LMF1: variants seen among roughly 807,000 people sequenced by gnomAD.
LMF1 encodes the protein lipase maturation factor 1.
A neutral mutation model predicts 60.6 loss-of-function variants in LMF1; 68 were observed. That is an observed-to-expected ratio of 1.12 (90% CI 0.92 to 1.37). The LOEUF is 1.37. Ranked by LOEUF, LMF1 falls within the 40% of genes most tolerant of loss-of-function variation. LMF1 has a pLI of 0.00. For synonymous variants in LMF1, 418 were observed against 324.7 expected (o/e 1.29, Z -3.09); for missense variants, 948 against 767.2 (o/e 1.24, Z -2.78).
intron 6 of LMF1, chr16:873,085 C>G (rs1004182526): frequency 2.6e-5 from 4 of 152,388 alleles, no homozygotes; most frequent in African/African-American, 9.6e-5. Flanking sequence ...GGCTCGGGGC[C>G]CTGCTCCATG....
intron 5 of LMF1, among the ~76,000 whole-genome samples, chr16:880,457 A>G (rs2070129364): frequency 6.6e-6 from 1 of 152,218 alleles, no homozygotes. Flanking sequence ...AGATCACTTG[A>G]GCCCAGGAGT....
At chr16:930,501 T>A (rs188711893) in intron 3 of LMF1, among the ~76,000 whole-genome samples, 2 of 151,814 alleles carry the variant, frequency 1.3e-5, no homozygotes, top group East Asian at 3.9e-4. Flanking sequence ...GTCAAGGAGC[T>A]GAGATTGCAC....
chr16:911,730 C>CTGGGGAGG, intron 3 of LMF1, among the ~76,000 whole-genome samples: 1 of 140,354 alleles, frequency 7.1e-6, no homozygotes, highest in Non-Finnish European at 1.5e-5. Context: ...GGGAGGCAGC[C>CTGGGGAGG]CAGCCTCCAT....
chr16:875,899 C>A (rs1264636701), intron 6 of LMF1, among the ~76,000 whole-genome samples: 2 of 152,178 alleles, frequency 1.3e-5, no homozygotes, highest in African/African-American at 2.4e-5. Context: ...CAGCTGGGAC[C>A]CCAGGACCGC....
intron 4 of LMF1, chr16:902,107 A>C (rs926238): frequency 0.36 from 54,201 of 152,218 alleles, 11,774 homozygotes; most frequent in African/African-American, 0.6. Context: ...CATGGCACGG[A>C]CATGGGTTGG....
At chr16:960,037 C>G (rs906681227) in intron 1 of LMF1, among the ~76,000 whole-genome samples, 3 of 152,218 alleles carry the variant, frequency 2.0e-5, no homozygotes, top group African/African-American at 7.2e-5. Flanking sequence ...GAGCCTAGCT[C>G]TACCCAGGAA....
rs1005194293 is a variant in LMF1 at position 962,676 on chromosome 16, G to A, written c.194-8010C>T. On this transcript the variant is annotated intron_variant, in intron 1 of 10. Transcript: ENST00000262301. The surrounding 1 kb of genome is among the most constrained non-coding windows in gnomAD (Gnocchi z 4.5). Reference sequence around the variant, plus strand: ...GACAGGCCTGCTTGACACTGTCAAGGTCGGAATCCTGCACAGGAAAGTCTG... The same window carrying A: ...GACAGGCCTGCTTGACACTGTCAAGATCGGAATCCTGCACAGGAAAGTCTG... Among the ~76,000 whole-genome samples the A allele has an allele frequency of 2.6e-5, 4 of 152,184 alleles. No homozygotes were observed. The highest frequency in any genetic ancestry group is 9.7e-5 in the African/African-American group (4 of 41,450).
intron 10 of LMF1, chr16:854,991 G>T (rs1437903489): frequency 7.6e-6 from 4 of 524,854 alleles, no homozygotes; most frequent in Admixed American, 3.2e-5. Context: ...AGAGGGACCG[G>T]CCCGGGGAAG....
chr16:855,767 T>C, intron 10 of LMF1: 1 of 455,992 alleles, frequency 2.2e-6, no homozygotes, highest in Non-Finnish European at 4.4e-6. Flanking sequence ...TGCCAGAGGC[T>C]TCACACTGCA....
intron 3 of LMF1, among the ~76,000 whole-genome samples, chr16:916,401 C>T (rs2071279162): frequency 1.3e-5 from 2 of 152,200 alleles, no homozygotes; most frequent in African/African-American, 2.4e-5. Context: ...CTTCTAATGG[C>T]GGCCCCAGAG....
chr16:885,918 C>T (rs56272161), intron 5 of LMF1, among the ~76,000 whole-genome samples: 21,321 of 152,142 alleles, frequency 0.14, 1,708 homozygotes, highest in East Asian at 0.29. Context: ...TTGGCTCAAA[C>T]GGAACTTTCA....
chr16:964,878 C>T (rs1352793784), intron 1 of LMF1, among the ~76,000 whole-genome samples: 2 of 152,238 alleles, frequency 1.3e-5, no homozygotes, highest in Non-Finnish European at 2.9e-5. Flanking sequence ...GAAGCAGCTG[C>T]CGGGGAGACG....
intron 6 of LMF1, chr16:873,961 A>C (rs1450059003): frequency 6.6e-6 from 1 of 152,296 alleles, no homozygotes; most frequent in Non-Finnish European, 1.5e-5. Flanking sequence ...GAGGCCGCAC[A>C]TTGTAGGATG....
intron 2 of LMF1, among the ~76,000 whole-genome samples, chr16:950,223 G>A (rs67242244): frequency 3.2e-5 from 3 of 93,812 alleles, no homozygotes; most frequent in African/African-American, 1.3e-4. Context: ...CAGAGACAGC[G>A]ACAGAGTTAG....
upstream of LMF1, among the ~76,000 whole-genome samples, chr16:972,360 G>A (rs1174289423): frequency 6.6e-6 from 1 of 152,260 alleles, no homozygotes; most frequent in Admixed American, 6.5e-5. Flanking sequence ...CAGCCTCCGG[G>A]AGCGTGGTGT....
At position 869,953 on chromosome 16, in the gene LMF1, C is replaced by T. The variant is rs2069730429; in HGVS notation, c.1346G>A (p.Ser449Asn). 14 of 1,613,330 alleles carry T rather than the reference C, an allele frequency of 8.7e-6. No homozygotes were observed. The highest frequency in any genetic ancestry group is 1.2e-5 in the Non-Finnish European group (14 of 1,179,862). Residue 449 changes from serine (S) to asparagine (N), a missense_variant, in exon 9 of 11, where the codon AGC becomes AAC. Coordinates refer to ENST00000262301, the MANE Select transcript of LMF1 (RefSeq NM_022773.4). ...YEFKCKPGDP[S>N]RRPCLISPYH... is the part of the protein sequence containing the mutation. Reference sequence around the variant, plus strand: ...CGGGGAGATGAGGCAGGGCCGTCTGCTGGGGTCACCTGGCTTGCACTTGAA... The same window carrying T: ...CGGGGAGATGAGGCAGGGCCGTCTGTTGGGGTCACCTGGCTTGCACTTGAA...
At chr16:935,411 C>T (rs551145375) in intron 2 of LMF1, among the ~76,000 whole-genome samples, 14 of 152,136 alleles carry the variant, frequency 9.2e-5, no homozygotes, top group Non-Finnish European at 1.5e-4. Flanking sequence ...CAACGTGGTG[C>T]TGATGGCTTC....
chr16:879,795 G>C, intron 5 of LMF1, 58 bp from the exon 6 acceptor site: 1 of 1,512,630 alleles, frequency 6.6e-7, no homozygotes, highest in Non-Finnish European at 9.0e-7. Context: ...CGGGGCTAGG[G>C]AGAGGCTTGT....
intron 1 of LMF1, among the ~76,000 whole-genome samples, chr16:964,817 G>A (rs533279841): frequency 5.3e-5 from 8 of 152,246 alleles, no homozygotes; most frequent in Non-Finnish European, 1.2e-4. Flanking sequence ...TACAAGGGCT[G>A]CGGTGAGACT....
Sources: gnomAD v4.1 joint callset for allele counts (sites outside exome capture counted in the v4.1 genomes callset) on GRCh38, gnomAD v4.1.1 for gene constraint, Gnocchi (gnomAD v3.1) non-coding constraint, MANE v1.5 for transcripts, NCBI Gene and HGNC (gene_info 2026-07-23, HGNC 2026-07-21) for gene names.